The following ZFHX3 variants were observed in gnomAD, a reference collection of about 807,000 sequenced individuals.
The protein encoded by ZFHX3 is zinc finger homeobox protein 3.
Under a neutral mutation model 279.1 loss-of-function variants are expected in ZFHX3, and 42 were observed. That is an observed-to-expected ratio of 0.15 (90% CI 0.12 to 0.19). The LOEUF (loss-of-function observed/expected upper bound fraction) is 0.19, where lower values mean the gene tolerates loss of function less well. ZFHX3 is among the 10% of genes least tolerant of loss of function. The pLI, the probability that ZFHX3 is intolerant of heterozygous loss-of-function variation, is 1.00. For missense variants in ZFHX3, 4,981 were observed against 4,754.0 expected (o/e 1.05, Z -1.40); for synonymous variants, 2,293 against 1,957.8 (o/e 1.17, Z -4.52).
At chr16:73,117,223 C>T (rs1026121657) in intron 7 of ZFHX3, among the ~76,000 whole-genome samples, 1 of 152,064 alleles carries the variant, frequency 6.6e-6, no homozygotes, top group African/African-American at 2.4e-5. Flanking sequence ...TCCTTCCCTT[C>T]TTTCCTTCCT....
intron 1 of ZFHX3, among the ~76,000 whole-genome samples, chr16:73,783,310 C>T (rs189673433): frequency 1.9e-4 from 29 of 152,334 alleles, no homozygotes; most frequent in Non-Finnish European, 2.9e-5. Flanking sequence ...GCCTCTGCTG[C>T]AACTACGCCA....
chr16:73,114,947 C>G (rs1166305236), intron 7 of ZFHX3, among the ~76,000 whole-genome samples: 1 of 152,126 alleles, frequency 6.6e-6, no homozygotes, highest in East Asian at 1.9e-4. Context: ...CGCATGCCAC[C>G]ATGCCTAGCT....
rs554001943 is a variant in ZFHX3 at position 73,734,184 on chromosome 16, C to T, written c.-1607-53944G>A. On this transcript the variant is annotated intron_variant, in intron 1 of 17. Transcript: ENST00000641206. ...GGTGGTAATGCTGGCTGGCTTCACCCACCCTCCCACTTCCTGCTGTGCAGC... is the reference window on the plus strand; with the variant it reads ...GGTGGTAATGCTGGCTGGCTTCACCTACCCTCCCACTTCCTGCTGTGCAGC... Among the ~76,000 whole-genome samples the T allele has an allele frequency of 1.8e-4, 28 of 152,238 alleles. No homozygotes were observed. The South Asian group carries it at 4.4e-3, about 24-fold the overall frequency.
intron 4 of ZFHX3, among the ~76,000 whole-genome samples, chr16:72,849,098 C>T (rs2037549195): frequency 2.0e-5 from 3 of 152,192 alleles, no homozygotes; most frequent in Non-Finnish European, 4.4e-5. Context: ...TACTTTACCA[C>T]TCACTCATGG....
intron 3 of ZFHX3, among the ~76,000 whole-genome samples, chr16:73,444,440 T>A (rs1245726925): frequency 2.6e-5 from 4 of 152,194 alleles, no homozygotes; most frequent in Non-Finnish European, 4.4e-5. Context: ...ATCTTTTAAG[T>A]TTTTTTCCCT....
At chr16:73,025,396 A>G (rs1329346604) in intron 1 of ZFHX3, among the ~76,000 whole-genome samples, 1 of 152,176 alleles carries the variant, frequency 6.6e-6, no homozygotes, top group African/African-American at 2.4e-5. Context: ...TTTGATGTCA[A>G]GTGTCAGCAA....
At chr16:73,102,939 T>G (rs941779534) in intron 7 of ZFHX3, among the ~76,000 whole-genome samples, 12 of 152,146 alleles carry the variant, frequency 7.9e-5, no homozygotes, top group African/African-American at 2.2e-4. Context: ...TTGTTTGTTT[T>G]TTTGAGACAG....
chr16:73,876,438 T>C (rs951298678), intron 1 of ZFHX3, among the ~76,000 whole-genome samples: 9 of 152,240 alleles, frequency 5.9e-5, no homozygotes, highest in African/African-American at 1.7e-4. Context: ...TCAGACCACA[T>C]GCATATTAAA....
intron 2 of ZFHX3, among the ~76,000 whole-genome samples, chr16:73,661,850 T>C (rs2052788243): frequency 6.6e-6 from 1 of 152,106 alleles, no homozygotes; most frequent in South Asian, 2.1e-4. Context: ...AAGTACTATT[T>C]ATGTATTCTC....
rs1430758173 is a variant in ZFHX3, at chr16:72,796,834, C to G, written c.5848G>C (p.Glu1950Gln). The G allele has an allele frequency of 3.1e-6, 5 of 1,613,374 alleles. No homozygotes were observed. Among genetic ancestry groups the G allele is most frequent in the Non-Finnish European group, 4.2e-6 (5 of 1,179,930 alleles). The change falls in exon 9 of 10, where the codon GAG becomes CAG. Residue 1950 changes from glutamate (E) to glutamine (Q), a missense_variant. Physicochemically the swap from Glu to Gln is conservative, Grantham distance 29. Around this residue, in one of 7 missense-constraint regions of ZFHX3, gnomAD observed 1,751 missense variants for 1,770.0 expected, o/e 0.99. Transcript: ENST00000268489. ...ATGACCAACTCAAAGCCAAAGTTCT[C>G]CAGCAGGGCCTTGGTGGCGTTCCCT... ...ARGNATKALL[E>Q]NFGFELVIQY... is the part of the protein sequence containing the mutation.
chr16:72,893,303 T>A (rs962970610), intron 3 of ZFHX3, among the ~76,000 whole-genome samples: 1 of 152,200 alleles, frequency 6.6e-6, no homozygotes, highest in African/African-American at 2.4e-5. Flanking sequence ...TACCTCCCTA[T>A]GAAACAGGAT....
rs1402878549 is a variant in ZFHX3, at chr16:73,442,047, T to TCAGG, written c.-1291+13952_-1291+13955dup. ...CTCCCCTTCTCCAGAGAGACCTGGG[T>TCAGG]CAGGCAGGCAGGCAATGATGGCTCT... On this transcript the variant is annotated intron_variant, in intron 3 of 17. Transcript: ENST00000641206. Among the ~76,000 whole-genome samples, 8 of 152,250 alleles carry TCAGG rather than the reference T, an allele frequency of 5.3e-5. No homozygotes were observed. In the East Asian group the frequency reaches 1.5e-3, roughly 29 times the overall value.
chr16:72,882,702 C>T (rs902683441), intron 4 of ZFHX3, among the ~76,000 whole-genome samples: 1 of 152,070 alleles, frequency 6.6e-6, no homozygotes, highest in Non-Finnish European at 1.5e-5. Flanking sequence ...TCCAGCAGAC[C>T]AGATCATTAG....
chr16:73,738,523 A>G (rs2053627316), intron 1 of ZFHX3, among the ~76,000 whole-genome samples: 3 of 152,342 alleles, frequency 2.0e-5, no homozygotes, highest in Middle Eastern at 6.8e-3. Flanking sequence ...TCGTGAGGCC[A>G]CTCAACACAT....
At chr16:73,655,051 G>T (rs1405705053) in intron 2 of ZFHX3, among the ~76,000 whole-genome samples, 1 of 151,918 alleles carries the variant, frequency 6.6e-6, no homozygotes, top group Non-Finnish European at 1.5e-5. Context: ...AGTAGAGACG[G>T]GGTTTTGCCA....
chr16:73,469,625 A>ATT (rs201421708), intron 2 of ZFHX3, among the ~76,000 whole-genome samples: 241 of 151,140 alleles, frequency 1.6e-3, no homozygotes, highest in South Asian at 0.01. Context: ...ATATATATAT[A>ATT]TATTTTTTTT....
intron 2 of ZFHX3, among the ~76,000 whole-genome samples, chr16:73,666,752 T>C (rs1163435913): frequency 6.6e-6 from 1 of 151,846 alleles, no homozygotes; most frequent in Admixed American, 6.6e-5. Flanking sequence ...CCAAATCCCC[T>C]TGTACTCTCA....
At position 73,258,450 on chromosome 16, in the gene ZFHX3, C is replaced by T. The variant is rs571974291; in HGVS notation, c.-1193-1314G>A. 5.9e-5 allele frequency among the ~76,000 whole-genome samples: 9 copies of T among 151,964 alleles called. No individual in the cohort carries two copies. In the South Asian group the frequency reaches 1.0e-3, roughly 18 times the overall value. On this transcript the variant is annotated intron_variant, in intron 4 of 17. Transcript: ENST00000641206. ...CTGCAAGCTGCACCTCCCGGGTTCACGCCATTCTCCTGCCTCAGCCTCCCG... is the reference window on the plus strand; with the variant it reads ...CTGCAAGCTGCACCTCCCGGGTTCATGCCATTCTCCTGCCTCAGCCTCCCG...
intron 3 of ZFHX3, among the ~76,000 whole-genome samples, chr16:73,422,483 A>G (rs1188051482): frequency 6.6e-6 from 1 of 152,190 alleles, no homozygotes; most frequent in Non-Finnish European, 1.5e-5. Context: ...GAAAATGCAT[A>G]AATTATTGAT....
Sources: allele counts gnomAD v4.1 joint callset (sites outside exome capture counted in the v4.1 genomes callset), GRCh38; gene constraint gnomAD v4.1.1; regional missense constraint gnomAD v4.1.1; transcripts MANE v1.5; gene names NCBI Gene and HGNC (gene_info 2026-07-23, HGNC 2026-07-21).